The following ADAM12 variants were observed in gnomAD, a reference collection of about 807,000 sequenced individuals.
The protein encoded by ADAM12 is disintegrin and metalloproteinase domain-containing protein 12.
A neutral mutation model predicts 106.4 loss-of-function variants in ADAM12; 70 were observed. That is an observed-to-expected ratio of 0.66 (90% confidence interval 0.54 to 0.80). The LOEUF (loss-of-function observed/expected upper bound fraction) is 0.80, where lower values mean the gene tolerates loss of function less well. Among genes scored for constraint, ADAM12 ranks in the 30% least tolerant of loss-of-function variants. The probability of loss-of-function intolerance (pLI) is 0.00; values close to 1 mark genes in which losing one functional copy is unlikely to be tolerated. For missense variants in ADAM12, 1,010 were observed against 1,171.9 expected (o/e 0.86, Z 2.02); for synonymous variants, 420 against 433.5 (o/e 0.97, Z 0.39).
chr10:126,110,069 A>G (rs187718877), intron 6 of ADAM12, among the ~76,000 whole-genome samples: 130 of 152,324 alleles, frequency 8.5e-4, no homozygotes, highest in African/African-American at 3.0e-3. Flanking sequence ...ACCCTTAAAA[A>G]GGAGTTTAAG....
intron 1 of ADAM12, among the ~76,000 whole-genome samples, chr10:126,381,157 G>A (rs1462221878): frequency 6.6e-6 from 1 of 152,198 alleles, no homozygotes; most frequent in Non-Finnish European, 1.5e-5. Context: ...ATTTAAAAAT[G>A]AGTTTAATTT....
intron 4 of ADAM12, among the ~76,000 whole-genome samples, chr10:126,143,604 T>C (rs1003789795): frequency 7.1e-5 from 5 of 69,982 alleles, no homozygotes; most frequent in African/African-American, 2.2e-4. Context: ...CATGTATCTG[T>C]ATGTATATGG....
intron 1 of ADAM12, among the ~76,000 whole-genome samples, chr10:126,349,234 C>A (rs1855264000): frequency 6.6e-6 from 1 of 152,234 alleles, no homozygotes; most frequent in Non-Finnish European, 1.5e-5. Flanking sequence ...GCTTCTGCAA[C>A]CCAACTGCTG....
chr10:126,078,791 C>T (rs1955153224), intron 11 of ADAM12, among the ~76,000 whole-genome samples: 1 of 151,900 alleles, frequency 6.6e-6, no homozygotes, highest in Admixed American at 6.6e-5. Flanking sequence ...AGGGATTTGA[C>T]AGTTCACAGT....
At chr10:126,384,281 TG>T (rs776693436) in intron 1 of ADAM12, among the ~76,000 whole-genome samples, 6 of 152,206 alleles carry the variant, frequency 3.9e-5, no homozygotes, top group Non-Finnish European at 5.9e-5. Context: ...GCTGCTGTCA[TG>T]TTTTTTTGTT....
At chr10:126,078,125 G>A (rs1439223761) in intron 11 of ADAM12, among the ~76,000 whole-genome samples, 1 of 152,188 alleles carries the variant, frequency 6.6e-6, no homozygotes, top group Non-Finnish European at 1.5e-5. Context: ...GAGCAAAGCA[G>A]GTGCCAATGC....
At chr10:126,277,782 T>C (rs112610857) in intron 3 of ADAM12, among the ~76,000 whole-genome samples, 1 of 152,106 alleles carries the variant, frequency 6.6e-6, no homozygotes, top group Non-Finnish European at 1.5e-5. Flanking sequence ...GCAGTAAGAA[T>C]GTAAGAAAAA....
chr10:126,033,943 T>TA (rs1325374421), intron 21 of ADAM12, among the ~76,000 whole-genome samples: 1 of 152,206 alleles, frequency 6.6e-6, no homozygotes, highest in African/African-American at 2.4e-5. Flanking sequence ...AGATTTGCTT[T>TA]AAAAAATGGC....
Position 126,043,073 on chromosome 10 carries a change from C to T in ADAM12, c.2071G>A (p.Gly691Arg), listed in dbSNP as rs1460639872. The change falls in exon 18 of 23, where the codon GGA (glycine) becomes AGA (arginine). Residue 691 changes from glycine (G) to arginine (R), a missense_variant. By Grantham distance (125) the Gly-to-Arg change is moderately radical. This residue lies in a region of ADAM12 where 615 missense variants were observed against 708.5 expected (regional missense o/e 0.87). Transcript: ENST00000448723. This position sits in a 1 kb window ranked among gnomAD's most constrained non-coding sequence, Gnocchi z 4.1. ...CGGATGGGGCCGCTGTCTGTGCTTCCTCCAAAGCCAAACTTGTCACAGAAG... is the reference window on the plus strand; with the variant it reads ...CGGATGGGGCCGCTGTCTGTGCTTCTTCCAAAGCCAAACTTGTCACAGAAG... ...PPFCDKFGFG[G>R]STDSGPIRQA... 6.2e-7 allele frequency: 1 copy of T among 1,614,212 alleles called. No individual in the cohort carries two copies. Among genetic ancestry groups the T allele is most frequent in the Admixed American group, 1.7e-5 (1 of 60,024 alleles).
At chr10:126,017,370 C>CAGAG in intron 22 of ADAM12, 31 bp from the exon 23 acceptor site, 1 of 1,547,168 alleles carries the variant, frequency 6.5e-7, no homozygotes, top group Non-Finnish European at 8.8e-7. Flanking sequence ...AAAAAATGAT[C>CAGAG]AGAGACCTTG....
chr10:126,137,712 A>G (rs11244828), intron 4 of ADAM12, among the ~76,000 whole-genome samples: 39,013 of 152,200 alleles, frequency 0.26, 5,384 homozygotes, highest in East Asian at 0.48. Context: ...GGCATGCATT[A>G]GAATGTCATT....
At chr10:126,296,756 G>T (rs1386098795) in intron 2 of ADAM12, among the ~76,000 whole-genome samples, 1 of 152,156 alleles carries the variant, frequency 6.6e-6, no homozygotes, top group East Asian at 1.9e-4. Flanking sequence ...CATCTAAAAT[G>T]ACCCCTCACT....
At chr10:126,170,931 G>A (rs116379653) in intron 3 of ADAM12, among the ~76,000 whole-genome samples, 2,644 of 152,196 alleles carry the variant, frequency 0.017, 77 homozygotes, top group African/African-American at 0.061. Context: ...TAATGCTGTC[G>A]AGAACCCTAG....
chr10:126,270,779 G>A (rs1041444876), intron 3 of ADAM12, among the ~76,000 whole-genome samples: 11 of 152,146 alleles, frequency 7.2e-5, no homozygotes, highest in African/African-American at 2.7e-4. Context: ...TGGTAGTGGG[G>A]AACACCCACT....
chr10:126,220,609 A>G (rs1033943994), intron 3 of ADAM12, among the ~76,000 whole-genome samples: 1 of 152,230 alleles, frequency 6.6e-6, no homozygotes, highest in African/African-American at 2.4e-5. Context: ...TCTGAAATTC[A>G]GGTTTCAATG....
chr10:126,376,308 G>A (rs1457455422), intron 1 of ADAM12, among the ~76,000 whole-genome samples: 1 of 151,844 alleles, frequency 6.6e-6, no homozygotes, highest in African/African-American at 2.4e-5. Context: ...ACAAAAATAA[G>A]TAACATTCAT....
At chr10:126,062,629 G>A (rs558351375) in intron 14 of ADAM12, among the ~76,000 whole-genome samples, 1 of 152,328 alleles carries the variant, frequency 6.6e-6, no homozygotes, top group East Asian at 1.9e-4. Context: ...GAGGCACACA[G>A]CCAGCTGAGT....
chr10:126,152,069 A>G (rs192403111), intron 4 of ADAM12, among the ~76,000 whole-genome samples: 9 of 142,610 alleles, frequency 6.3e-5, no homozygotes, highest in Non-Finnish European at 1.4e-4. Flanking sequence ...AAAAATCTTC[A>G]TTTCTGAGAG....
intron 2 of ADAM12, among the ~76,000 whole-genome samples, chr10:126,284,941 C>T (rs555467337): frequency 3.3e-5 from 5 of 152,160 alleles, no homozygotes; most frequent in Non-Finnish European, 7.3e-5. Context: ...TCTTTTGCAG[C>T]GTTCAGGGCT....
Sources: allele counts gnomAD v4.1 joint callset (sites outside exome capture counted in the v4.1 genomes callset), GRCh38; gene constraint gnomAD v4.1.1; regional missense constraint gnomAD v4.1.1; non-coding constraint Gnocchi (gnomAD v3.1); transcripts MANE v1.5; gene names NCBI Gene and HGNC (gene_info 2026-07-23, HGNC 2026-07-21).